KIF13A: variants seen among roughly 807,000 people sequenced by gnomAD.
KIF13A encodes kinesin family member 13A.
A neutral mutation model predicts 212.2 loss-of-function variants in KIF13A; 79 were observed. The observed-to-expected ratio is 0.37, with a 90% CI of 0.31 to 0.45. The LOEUF is 0.45. KIF13A is among the 20% of genes least tolerant of loss of function. KIF13A has a pLI of 1.00. For missense variants in KIF13A, 1,901 were observed against 2,209.0 expected (o/e 0.86, Z 2.79); for synonymous variants, 789 against 808.6 (o/e 0.98, Z 0.41).
chr6:17,857,772 A>G (rs1768280481), intron 4 of KIF13A, among the ~76,000 whole-genome samples: 1 of 152,202 alleles, frequency 6.6e-6, no homozygotes, highest in Non-Finnish European at 1.5e-5. Flanking sequence ...GAATATGCCT[A>G]CACTGCCTGA....
intron 3 of KIF13A, among the ~76,000 whole-genome samples, chr6:17,882,616 T>C (rs1182286404): frequency 6.6e-6 from 1 of 151,596 alleles, no homozygotes; most frequent in East Asian, 1.9e-4. Flanking sequence ...GGCTGGAGCG[T>C]AGTGGCATGA....
chr6:17,887,319 T>C (rs1402266212), intron 3 of KIF13A, among the ~76,000 whole-genome samples: 1 of 152,208 alleles, frequency 6.6e-6, no homozygotes, highest in Non-Finnish European at 1.5e-5. Context: ...ATTTTCGTTG[T>C]TTCTAGCCAT....
At chr6:17,808,652 A>T in intron 18 of KIF13A, 116 bp downstream of exon 18, 1 of 906,388 alleles carries the variant, frequency 1.1e-6, no homozygotes, top group Middle Eastern at 3.6e-4. Context: ...AAAAATAAAC[A>T]TCTCTGGCTG....
At chr6:17,986,144 G>A (rs765021716) in intron 2 of KIF13A, among the ~76,000 whole-genome samples, 6 of 152,168 alleles carry the variant, frequency 3.9e-5, no homozygotes, top group Admixed American at 6.5e-5. Context: ...CAGGTGATTC[G>A]TGGAAACACA....
At chr6:17,874,999 GCACGCACA>G (rs1182074616) in intron 3 of KIF13A, among the ~76,000 whole-genome samples, 5 of 120,264 alleles carry the variant, frequency 4.2e-5, no homozygotes, top group East Asian at 4.7e-4. Context: ...ACACGCACAC[GCACGCACA>G]CACACACACA....
intron 3 of KIF13A, among the ~76,000 whole-genome samples, chr6:17,893,412 G>A (rs1454187673): frequency 4.6e-5 from 7 of 152,102 alleles, no homozygotes; most frequent in Admixed American, 3.9e-4. Context: ...TTTTATTTTT[G>A]AATTGTTTAT....
At chr6:17,774,071 C>G (rs1439228708) in intron 35 of KIF13A, among the ~76,000 whole-genome samples, 2 of 152,134 alleles carry the variant, frequency 1.3e-5, no homozygotes, top group Non-Finnish European at 2.9e-5. Flanking sequence ...TTCAAAGAGG[C>G]ATAAAGTATT....
At chr6:17,810,982 T>C (rs536771726) in intron 17 of KIF13A, among the ~76,000 whole-genome samples, 87 of 152,290 alleles carry the variant, frequency 5.7e-4, no homozygotes, top group African/African-American at 1.9e-3. Context: ...GGTCTGGGGA[T>C]TGGGGACCCC....
At chr6:17,907,025 T>C (rs1264741327) in intron 2 of KIF13A, among the ~76,000 whole-genome samples, 2 of 152,212 alleles carry the variant, frequency 1.3e-5, no homozygotes, top group Non-Finnish European at 2.9e-5. Flanking sequence ...AATTCTAACC[T>C]GGTCATATAG....
At chr6:17,860,141 C>T (rs769384755) in intron 4 of KIF13A, among the ~76,000 whole-genome samples, 1 of 152,148 alleles carries the variant, frequency 6.6e-6, no homozygotes, top group Non-Finnish European at 1.5e-5. Flanking sequence ...CACCTCTGGT[C>T]TCCAGGATAA....
At chr6:17,827,487 T>C (rs1765071849) in intron 14 of KIF13A, among the ~76,000 whole-genome samples, 1 of 150,788 alleles carries the variant, frequency 6.6e-6, no homozygotes, top group East Asian at 2.0e-4. Context: ...GATGGGTCCA[T>C]GGGGTTTCAT....
At position 17,987,254 on chromosome 6, in the gene KIF13A, G is replaced by T; in HGVS notation, c.56-110C>A. On this transcript the variant is annotated intron_variant, in intron 1 of 38. Coordinates refer to ENST00000259711, the MANE Select transcript of KIF13A (RefSeq NM_022113.6). This position sits in a 1 kb window ranked among gnomAD's most constrained non-coding sequence, Gnocchi z 7.7. ...CCGTCCCTGGAGGCGGCCGAGCCTG[G>T]AGACGGCGCCCCGGGCACCACGGCC... The T allele has an allele frequency of 1.1e-6, 1 of 937,430 alleles. No homozygotes were observed. The highest frequency in any genetic ancestry group is 1.4e-6 in the Non-Finnish European group (1 of 712,510). 58.1% of individuals were successfully genotyped at this position (937,430 alleles called of 1,614,324 possible).
At position 17,800,123 on chromosome 6, in the gene KIF13A, G is replaced by A. The variant is rs1231314642; in HGVS notation, c.2455-10C>T. 2 of 1,612,630 alleles carry A rather than the reference G, an allele frequency of 1.2e-6. No individual in the cohort carries two copies. Among genetic ancestry groups the A allele is most frequent in the Non-Finnish European group, 1.7e-6 (2 of 1,179,334 alleles). ...GGAGACGCCCTGCAACCTGGGTCAA[G>A]GAACCAGAGCACCTTAGAGTGAACA... On this transcript the variant is annotated splice_polypyrimidine_tract_variant and intron_variant, in intron 20 of 38. Transcript: ENST00000259711.
At chr6:17,889,903 G>A (rs917061747) in intron 3 of KIF13A, among the ~76,000 whole-genome samples, 4 of 152,142 alleles carry the variant, frequency 2.6e-5, no homozygotes, top group African/African-American at 9.7e-5. Context: ...CTAGCACTTT[G>A]GGAGGCCGAG....
rs552241267 is a variant in KIF13A at position 17,825,121 on chromosome 6, C to T, written c.1786+647G>A. Among the ~76,000 whole-genome samples, 52 of 151,886 alleles carry T rather than the reference C, an allele frequency of 3.4e-4. No homozygotes were observed. The highest frequency in any genetic ancestry group is 1.2e-3 in the African/African-American group (49 of 41,476). On this transcript the variant is annotated intron_variant, in intron 16 of 38. Transcript: ENST00000259711. This position sits in a 1 kb window ranked among gnomAD's most constrained non-coding sequence, Gnocchi z 4.5. ...AAGAAAGGGCAGATTTATAAAACAGCAAAAAAGGAAAGAATTTGGTGTCTA... is the reference window on the plus strand; with the variant it reads ...AAGAAAGGGCAGATTTATAAAACAGTAAAAAAGGAAAGAATTTGGTGTCTA...
rs887414993 is a variant in KIF13A, at chr6:17,768,762, T to C, written c.4581+2352A>G. 6.6e-6 allele frequency among the ~76,000 whole-genome samples: 1 copy of C among 152,210 alleles called. No individual in the cohort carries two copies. ...CCAGAGGAATAAACCACATGCTGTC[T>C]ATGCAAGACCTAACGGAAAGGTCGT... is the stretch of plus-strand genomic sequence containing the variant. On this transcript the variant is annotated intron_variant, in intron 38 of 38. Transcript: ENST00000259711. The surrounding 1 kb of genome is among the most constrained non-coding windows in gnomAD (Gnocchi z 5.4).
chr6:17,954,834 T>C (rs536551013), intron 2 of KIF13A, among the ~76,000 whole-genome samples: 57 of 152,126 alleles, frequency 3.7e-4, no homozygotes, highest in African/African-American at 1.3e-3. Flanking sequence ...GCATCACACC[T>C]GGCTAATTAA....
At chr6:17,867,674 A>G (rs1486440042) in intron 4 of KIF13A, among the ~76,000 whole-genome samples, 1 of 152,226 alleles carries the variant, frequency 6.6e-6, no homozygotes, top group Admixed American at 6.5e-5. Flanking sequence ...ACTAGAAAAA[A>G]GACTTCATTC....
At chr6:17,860,043 G>A (rs1335489472) in intron 4 of KIF13A, among the ~76,000 whole-genome samples, 1 of 152,082 alleles carries the variant, frequency 6.6e-6, no homozygotes. Context: ...CAGGGTTTGG[G>A]TCAGCTTATA....
Sources: allele counts gnomAD v4.1 joint callset (sites outside exome capture counted in the v4.1 genomes callset), GRCh38; gene constraint gnomAD v4.1.1; non-coding constraint Gnocchi (gnomAD v3.1); transcripts MANE v1.5; gene names NCBI Gene and HGNC (gene_info 2026-07-23, HGNC 2026-07-21).